CPLX2: variants seen among roughly 807,000 people sequenced by gnomAD.
CPLX2 encodes complexin-2.
A neutral mutation model predicts 16.3 loss-of-function variants in CPLX2; 5 were observed. The observed-to-expected ratio is 0.31, with a 90% CI of 0.16 to 0.64. CPLX2 has a LOEUF of 0.64. Ranked by LOEUF, CPLX2 falls within the 30% of genes least tolerant of loss-of-function variation. The pLI, the probability that CPLX2 is intolerant of heterozygous loss-of-function variation, is 0.79. For synonymous variants in CPLX2, 89 were observed against 73.2 expected (o/e 1.22, Z -1.10); for missense variants, 144 against 181.4 (o/e 0.79, Z 1.18).
chr5:175,854,311 C>G (rs1759210947), intron 2 of CPLX2, among the ~76,000 whole-genome samples: 1 of 152,196 alleles, frequency 6.6e-6, no homozygotes, highest in Non-Finnish European at 1.5e-5. Context: ...CTGACCCCAG[C>G]CTTCCTGCCA....
intron 2 of CPLX2, among the ~76,000 whole-genome samples, chr5:175,821,314 G>T (rs1015838257): frequency 6.6e-6 from 1 of 151,932 alleles, no homozygotes; most frequent in East Asian, 1.9e-4. Flanking sequence ...CCCCCTTCCT[G>T]ACTCAGTCTC....
At chr5:175,819,051 G>A (rs1485527575) in intron 2 of CPLX2, among the ~76,000 whole-genome samples, 3 of 152,156 alleles carry the variant, frequency 2.0e-5, no homozygotes, top group Admixed American at 6.5e-5. Flanking sequence ...CAGCGACGTT[G>A]GAGAGTCTCT....
Position 175,872,073 on chromosome 5 carries a change from T to C in CPLX2, c.-89+368T>C, listed in dbSNP as rs1759637546. ...TCAAGTCTGAACCCAGAGAACAACT[T>C]TGAGCTCGCGGGAGTGGGGGACGTC... On this transcript the variant is annotated intron_variant, in intron 1 of 3. Transcript: ENST00000393745. The surrounding 1 kb of genome is among the most constrained non-coding windows in gnomAD (Gnocchi z 5.0). 1.3e-5 allele frequency: 2 copies of C among 152,092 alleles called. No individual in the cohort carries two copies. Among genetic ancestry groups the C allele is most frequent in the Admixed American group, 6.5e-5 (1 of 15,290 alleles). 9.4% of individuals were successfully genotyped at this position (152,092 alleles called of 1,614,324 possible).
intron 2 of CPLX2, among the ~76,000 whole-genome samples, chr5:175,821,248 C>G (rs112842080): frequency 1.7e-4 from 26 of 152,156 alleles, no homozygotes; most frequent in African/African-American, 5.5e-4. Flanking sequence ...CTCAGCTCTA[C>G]GCAAGCAGGA....
At chr5:175,844,797 G>A (rs1033367589) in intron 2 of CPLX2, among the ~76,000 whole-genome samples, 26 of 152,250 alleles carry the variant, frequency 1.7e-4, no homozygotes, top group African/African-American at 6.0e-4. Context: ...CTTTGCAGGG[G>A]GAGGAAGGGA....
At chr5:175,867,390 C>T (rs1322587274), upstream of CPLX2, among the ~76,000 whole-genome samples, 1 of 152,108 alleles carries the variant, frequency 6.6e-6, no homozygotes, top group Non-Finnish European at 1.5e-5. Context: ...GATGGTAACA[C>T]CCTATCACCT....
At chr5:175,837,896 G>A (rs1758867202) in intron 2 of CPLX2, 1 of 152,218 alleles carries the variant, frequency 6.6e-6, no homozygotes, top group South Asian at 2.1e-4. Flanking sequence ...GAAGGTCCCA[G>A]CTTCCATGCA....
At position 175,854,207 on chromosome 5, in the gene CPLX2, C is replaced by G. The variant is rs192373371; in HGVS notation, c.-88-24445C>G. ...CAGCTCCTCCTTCCTTTGACCAGCT[C>G]TTTTCTCCTTTTATCTTCCACAGTG... is the stretch of plus-strand genomic sequence containing the variant. On this transcript the variant is annotated intron_variant, in intron 2 of 4. Transcript: ENST00000359546. 1.8e-4 allele frequency among the ~76,000 whole-genome samples: 27 copies of G among 152,344 alleles called. No homozygotes were observed. The East Asian group carries it at 4.3e-3, about 24-fold the overall frequency.
chr5:175,811,916 G>A (rs1284607481), intron 2 of CPLX2, among the ~76,000 whole-genome samples: 1 of 152,200 alleles, frequency 6.6e-6, no homozygotes, highest in Non-Finnish European at 1.5e-5. Context: ...TTTCTTACTG[G>A]CATAGAGGGA....
In CPLX2 at chr5:175,844,769, C is replaced by T. The variant is rs550058697; in HGVS notation, c.-88-33883C>T. On this transcript the variant is annotated intron_variant, in intron 2 of 4. Transcript: ENST00000359546. ...CGTGAATGAGTTTTTAAAAGCAGGG[C>T]GTGGATTTAAAAAGTGCCTTTGCAG... Among the ~76,000 whole-genome samples the T allele has an allele frequency of 7.2e-5, 11 of 152,242 alleles. 1 individual carries two copies. The highest frequency in any genetic ancestry group is 3.3e-4 in the Admixed American group (5 of 15,288).
intron 2 of CPLX2, among the ~76,000 whole-genome samples, chr5:175,836,297 C>G (rs953535265): frequency 6.6e-6 from 1 of 152,264 alleles, no homozygotes; most frequent in East Asian, 1.9e-4. Context: ...TTGCAGTGAG[C>G]CGAGATCGTG....
At chr5:175,871,400 A>AAGAGAGAGAGGAGAGAG (rs1759590690), upstream of CPLX2, 1 of 91,216 alleles carries the variant, frequency 1.1e-5, no homozygotes, top group Non-Finnish European at 2.1e-5. Context: ...GAGGGAGAGA[A>AAGAGAGAGAGGAGAGAG]AGAGAGAGAG....
chr5:175,817,485 C>G (rs1387006041), intron 2 of CPLX2, among the ~76,000 whole-genome samples: 1 of 152,222 alleles, frequency 6.6e-6, no homozygotes, highest in Admixed American at 6.5e-5. Flanking sequence ...GGGACTGAGT[C>G]CAACCTCCCC....
Position 175,834,561 on chromosome 5 carries a change from C to G in CPLX2, c.-89+25493C>G, listed in dbSNP as rs373389090. ...AGGGGGAGTCACCTTAAACCTAGGC[C>G]AGCCTGGGAAATGCAGAAAAGTTTT... On this transcript the variant is annotated intron_variant, in intron 2 of 4. Transcript: ENST00000359546. 1.6e-4 allele frequency among the ~76,000 whole-genome samples: 25 copies of G among 152,198 alleles called. 1 individual carries two copies. The South Asian group carries it at 5.2e-3, about 32-fold the overall frequency.
intron 2 of CPLX2, among the ~76,000 whole-genome samples, chr5:175,829,905 C>A (rs748745396): frequency 6.6e-6 from 1 of 152,194 alleles, no homozygotes; most frequent in Non-Finnish European, 1.5e-5. Flanking sequence ...GCTGATGACA[C>A]ACTTGTCAGT....
At chr5:175,855,437 A>G (rs998766278) in intron 2 of CPLX2, among the ~76,000 whole-genome samples, 3 of 152,232 alleles carry the variant, frequency 2.0e-5, no homozygotes, top group Non-Finnish European at 4.4e-5. Context: ...GATGCAAGTG[A>G]TAGAAAAACA....
At chr5:175,818,176 G>C (rs1231959777) in intron 2 of CPLX2, among the ~76,000 whole-genome samples, 2 of 152,178 alleles carry the variant, frequency 1.3e-5, no homozygotes, top group Non-Finnish European at 2.9e-5. Context: ...GCTCAGAGTG[G>C]GGGTAGCTGG....
chr5:175,857,559 A>G (rs937845457), intron 2 of CPLX2, among the ~76,000 whole-genome samples: 1 of 152,228 alleles, frequency 6.6e-6, no homozygotes, highest in Non-Finnish European at 1.5e-5. Context: ...CCAGTTGTGC[A>G]AAGTCAACTA....
At chr5:175,839,807 A>G (rs1758914774) in intron 2 of CPLX2, among the ~76,000 whole-genome samples, 1 of 152,210 alleles carries the variant, frequency 6.6e-6, no homozygotes, top group Non-Finnish European at 1.5e-5. Flanking sequence ...ACTCTGAAAA[A>G]CTTAAGCCAC....
Sources: allele counts gnomAD v4.1 joint callset (sites outside exome capture counted in the v4.1 genomes callset), GRCh38; gene constraint gnomAD v4.1.1; non-coding constraint Gnocchi (gnomAD v3.1); transcripts MANE v1.5; gene names NCBI Gene and HGNC (gene_info 2026-07-23, HGNC 2026-07-21).